Variants in IQCM observed in about 807,000 individuals in gnomAD.
IQCM encodes the protein IQ motif containing M, also known as IQ domain-containing protein M.
Under a neutral mutation model 57.6 loss-of-function variants are expected in IQCM, and 45 were observed. The observed-to-expected ratio is 0.78, with a 90% CI of 0.62 to 1.00. The LOEUF (loss-of-function observed/expected upper bound fraction) is 1.00, where lower values mean the gene tolerates loss of function less well. Among genes scored for constraint, IQCM ranks in the 50% least tolerant of loss-of-function variants. The probability of loss-of-function intolerance (pLI) is 0.00; values close to 1 mark genes in which losing one functional copy is unlikely to be tolerated. For synonymous variants in IQCM, 148 were observed against 158.9 expected, an observed-to-expected ratio of 0.93 and a Z score of 0.51; for missense variants, 468 against 511.6, an observed-to-expected ratio of 0.91 and a Z score of 0.82.
At chr4:149,767,995 T>TTATA (rs1336334669) in intron 2 of IQCM, among the ~76,000 whole-genome samples, 1 of 152,056 alleles carries the variant, frequency 6.6e-6, no homozygotes, top group African/African-American at 2.4e-5. Context: ...CTAATTTTAG[T>TTATA]TATATGGGCC....
At position 149,647,220 on chromosome 4, in the gene IQCM, T is replaced by A. The variant is rs1041341089; in HGVS notation, c.566-25976A>T. On this transcript the variant is annotated intron_variant, in intron 7 of 13. Coordinates refer to ENST00000636793, the MANE Select transcript of IQCM (RefSeq NM_001363507.2). Reference sequence around the variant, plus strand: ...TTTGGATAAACAACTCAACTGCTCTTTAATACCTTAACTTATATGTTAATG... The same window carrying A: ...TTTGGATAAACAACTCAACTGCTCTATAATACCTTAACTTATATGTTAATG... 7.2e-5 allele frequency among the ~76,000 whole-genome samples: 11 copies of A among 152,314 alleles called. No homozygotes were observed. In the East Asian group the frequency reaches 2.1e-3, roughly 29 times the overall value.
At chr4:149,361,095 A>G (rs999020567) in intron 13 of IQCM, among the ~76,000 whole-genome samples, 1 of 152,208 alleles carries the variant, frequency 6.6e-6, no homozygotes, top group African/African-American at 2.4e-5. Context: ...ACATTTTAGC[A>G]AAGAGACTGG....
intron 4 of IQCM, 59 bp downstream of exon 4, chr4:149,735,317 A>G: frequency 1.3e-6 from 1 of 774,358 alleles, no homozygotes; most frequent in Non-Finnish European, 1.8e-6. Context: ...CCTTTGGGAG[A>G]ATCCTTGTAG....
chr4:149,551,970 G>T (rs1353696131), intron 11 of IQCM, among the ~76,000 whole-genome samples: 1 of 151,802 alleles, frequency 6.6e-6, no homozygotes, highest in Admixed American at 6.6e-5. Context: ...CTTTTCTCTA[G>T]AAACCAGGCT....
chr4:149,775,443 A>T (rs1771004852), intron 2 of IQCM, among the ~76,000 whole-genome samples: 2 of 152,272 alleles, frequency 1.3e-5, no homozygotes, highest in South Asian at 4.1e-4. Flanking sequence ...TAAAAATAAA[A>T]ACAGAGCTCT....
At position 149,505,083 on chromosome 4, in the gene IQCM, T is replaced by C. The variant is rs367689625; in HGVS notation, c.1228+43372A>G. Among the ~76,000 whole-genome samples, 26 of 152,256 alleles carry C rather than the reference T, an allele frequency of 1.7e-4. No homozygotes were observed. The East Asian group carries it at 4.6e-3, about 27-fold the overall frequency. On this transcript the variant is annotated intron_variant, in intron 12 of 13. Coordinates refer to ENST00000636793, the MANE Select transcript of IQCM (RefSeq NM_001363507.2). ...CCACCCTGTCTATAGTGTTCTGTTATAGTAGTCCAAGTGAACTAAGACAGC... is the reference window on the plus strand; with the variant it reads ...CCACCCTGTCTATAGTGTTCTGTTACAGTAGTCCAAGTGAACTAAGACAGC...
chr4:149,467,239 T>G (rs1180670370), intron 12 of IQCM, among the ~76,000 whole-genome samples: 3 of 152,184 alleles, frequency 2.0e-5, no homozygotes, highest in African/African-American at 7.2e-5. Flanking sequence ...CTTCCAAAGC[T>G]GAGATGCTGT....
At chr4:149,484,095 G>A (rs761262688) in intron 12 of IQCM, among the ~76,000 whole-genome samples, 1 of 151,804 alleles carries the variant, frequency 6.6e-6, no homozygotes, top group African/African-American at 2.4e-5. Context: ...ATCTGATATA[G>A]GTATAGCTAC....
At chr4:149,453,297 A>G (rs999385747) in intron 12 of IQCM, among the ~76,000 whole-genome samples, 2 of 151,788 alleles carry the variant, frequency 1.3e-5, no homozygotes, top group African/African-American at 4.8e-5. Flanking sequence ...GGGTTAGGCA[A>G]TGGTTTCCTA....
intron 2 of IQCM, among the ~76,000 whole-genome samples, chr4:149,792,860 T>C (rs990454096): frequency 6.6e-6 from 1 of 152,164 alleles, no homozygotes. Context: ...ATCTCCAAAG[T>C]GTTCAGAGGA....
intron 2 of IQCM, among the ~76,000 whole-genome samples, chr4:149,785,119 T>C (rs1257104178): frequency 6.6e-6 from 1 of 152,186 alleles, no homozygotes; most frequent in Non-Finnish European, 1.5e-5. Context: ...CCTGATTCCT[T>C]ACGATCTAGG....
chr4:149,576,468 T>C (rs1281974758), intron 9 of IQCM, among the ~76,000 whole-genome samples: 1 of 151,874 alleles, frequency 6.6e-6, no homozygotes, highest in African/African-American at 2.4e-5. Flanking sequence ...AGGTTTGAGA[T>C]TTTAGTGCAC....
chr4:149,492,351 G>A (rs976827399), intron 12 of IQCM, among the ~76,000 whole-genome samples: 3 of 152,058 alleles, frequency 2.0e-5, no homozygotes, highest in African/African-American at 7.2e-5. Context: ...AACATTAGAT[G>A]TGTCAGATAA....
intron 8 of IQCM, among the ~76,000 whole-genome samples, chr4:149,595,036 G>T (rs1311225253): frequency 6.6e-6 from 1 of 152,156 alleles, no homozygotes; most frequent in Non-Finnish European, 1.5e-5. Flanking sequence ...TCGTTGATCT[G>T]TCTAATGTTG....
At chr4:149,780,575 C>A (rs1332881524) in intron 2 of IQCM, among the ~76,000 whole-genome samples, 1 of 151,174 alleles carries the variant, frequency 6.6e-6, no homozygotes, top group Non-Finnish European at 1.5e-5. Flanking sequence ...CAGAAGAAAA[C>A]CCTTAAATAG....
intron 12 of IQCM, among the ~76,000 whole-genome samples, chr4:149,457,970 G>A (rs968826973): frequency 2.0e-5 from 3 of 151,906 alleles, no homozygotes; most frequent in Non-Finnish European, 1.5e-5. Flanking sequence ...AAGGTGATGC[G>A]AGAGGGGTGA....
chr4:149,639,051 G>T (rs549984963), intron 7 of IQCM, among the ~76,000 whole-genome samples: 20 of 152,312 alleles, frequency 1.3e-4, no homozygotes, highest in Non-Finnish European at 1.8e-4. Context: ...ACTTTCTAAC[G>T]TGACGTCTAC....
intron 13 of IQCM, among the ~76,000 whole-genome samples, chr4:149,419,108 A>G (rs953736941): frequency 6.6e-6 from 1 of 152,176 alleles, no homozygotes; most frequent in Non-Finnish European, 1.5e-5. Context: ...TTAAACTACC[A>G]TTGAGATTCT....
chr4:149,435,773 T>C (rs561270067), intron 12 of IQCM, among the ~76,000 whole-genome samples: 1 of 151,812 alleles, frequency 6.6e-6, no homozygotes, highest in East Asian at 1.9e-4. Context: ...GTTTGTGTGT[T>C]TATTTGTAAT....
Sources: gnomAD v4.1 joint callset for allele counts (sites outside exome capture counted in the v4.1 genomes callset) on GRCh38, gnomAD v4.1.1 for gene constraint, MANE v1.5 for transcripts, NCBI Gene and HGNC (gene_info 2026-07-23, HGNC 2026-07-21) for gene names.